Variants in ABHD18 observed in about 807,000 individuals in gnomAD.
ABHD18 encodes cardiolipin-specific deacylase, mitochondrial.
In ABHD18, 55 loss-of-function variants were observed where a neutral mutation model predicts 65.9. The observed-to-expected ratio is 0.84, with a 90% CI of 0.67 to 1.05. The LOEUF is 1.05. ABHD18 is among the 50% of genes least tolerant of loss of function. ABHD18 has a pLI of 0.00. For synonymous variants in ABHD18, 181 were observed against 180.2 expected (o/e 1.00, Z -0.04); for missense variants, 533 against 558.5 (o/e 0.95, Z 0.46).
intron 3 of ABHD18, among the ~76,000 whole-genome samples, chr4:127,987,576 G>C (rs1750186987): frequency 6.6e-6 from 1 of 151,770 alleles, no homozygotes; most frequent in Non-Finnish European, 1.5e-5. Flanking sequence ...GCCAGGCATG[G>C]TGGCACATGC....
intron 1 of ABHD18, among the ~76,000 whole-genome samples, chr4:127,969,993 C>G (rs1388247347): frequency 6.6e-6 from 1 of 151,990 alleles, no homozygotes; most frequent in African/African-American, 2.4e-5. Context: ...GAGCAGTCCT[C>G]CCGTCTTGGC....
intron 4 of ABHD18, among the ~76,000 whole-genome samples, chr4:127,996,544 G>A (rs576545135): frequency 2.0e-5 from 3 of 152,160 alleles, no homozygotes; most frequent in East Asian, 3.9e-4. Flanking sequence ...ACTGATGAGG[G>A]TCTATGTCCC....
intron 1 of ABHD18, among the ~76,000 whole-genome samples, chr4:127,972,811 G>A (rs913136145): frequency 3.9e-5 from 6 of 152,018 alleles, no homozygotes; most frequent in African/African-American, 1.4e-4. Context: ...TTGCACTAAA[G>A]TAGAAAATAT....
intron 8 of ABHD18, among the ~76,000 whole-genome samples, chr4:128,019,043 A>C (rs900879107): frequency 3.3e-5 from 5 of 151,832 alleles, no homozygotes; most frequent in African/African-American, 7.3e-5. Flanking sequence ...ATTCAAAACA[A>C]CTACCTGACA....
intron 10 of ABHD18, among the ~76,000 whole-genome samples, chr4:128,026,182 G>T (rs529852245): frequency 6.6e-6 from 1 of 152,058 alleles, no homozygotes; most frequent in East Asian, 1.9e-4. Context: ...CCAGCTACCC[G>T]GGAGGCTGAG....
rs1560956376 is a variant in ABHD18, at chr4:128,036,920, CA to C, written c.*1108del. ...GATCACAAGGTCAGGAGTTTAAGACCAGCCTGGCCAACATGGTGAAACCCCA... is the reference window on the plus strand; with the variant it reads ...GATCACAAGGTCAGGAGTTTAAGACCGCCTGGCCAACATGGTGAAACCCCA... On this transcript the variant is annotated 3_prime_UTR_variant, in exon 13 of 13. Coordinates refer to ENST00000645843, the MANE Select transcript of ABHD18 (RefSeq NM_001358451.3). 2 of 151,996 alleles carry C rather than the reference CA, an allele frequency of 1.3e-5. No individual in the cohort carries two copies. Among genetic ancestry groups the C allele is most frequent in the African/African-American group, 4.8e-5 (2 of 41,388 alleles). The allele number at this position is 151,996 out of a possible 1,614,324, so 9.4% of individuals were successfully genotyped here.
chr4:127,992,735 G>T (rs1412800883), intron 4 of ABHD18, among the ~76,000 whole-genome samples: 1 of 151,668 alleles, frequency 6.6e-6, no homozygotes, highest in Non-Finnish European at 1.5e-5. Context: ...TAGAGATGGG[G>T]GTCTCACTAC....
chr4:127,979,512 G>A (rs1199722784), intron 1 of ABHD18, among the ~76,000 whole-genome samples: 2 of 152,152 alleles, frequency 1.3e-5, no homozygotes, highest in Non-Finnish European at 2.9e-5. Flanking sequence ...CTGAGATTGC[G>A]CCACTGCACT....
At chr4:127,977,348 T>A (rs1748148748) in intron 1 of ABHD18, among the ~76,000 whole-genome samples, 1 of 152,210 alleles carries the variant, frequency 6.6e-6, no homozygotes, top group Admixed American at 6.5e-5. Flanking sequence ...GGCGCATGCC[T>A]GTAATCCCAG....
At chr4:128,028,892 G>T in intron 11 of ABHD18, 39 bp downstream of exon 11, 1 of 1,422,458 alleles carries the variant, frequency 7.0e-7, no homozygotes, top group Non-Finnish European at 9.4e-7. Flanking sequence ...ATTTGCTGAT[G>T]TGTAAGTATT....
chr4:128,002,872 G>C (rs913418331), intron 4 of ABHD18, among the ~76,000 whole-genome samples: 7 of 151,624 alleles, frequency 4.6e-5, no homozygotes, highest in Admixed American at 6.6e-5. Flanking sequence ...TCAAATTCCT[G>C]ACCTCAGGTG....
At chr4:128,011,318 T>A (rs1381005045) in intron 6 of ABHD18, among the ~76,000 whole-genome samples, 1 of 151,854 alleles carries the variant, frequency 6.6e-6, no homozygotes, top group Admixed American at 6.6e-5. Flanking sequence ...CCAGCTAATT[T>A]TTTGTATTTT....
At chr4:127,996,871 A>T (rs1290556240) in intron 4 of ABHD18, among the ~76,000 whole-genome samples, 1 of 152,204 alleles carries the variant, frequency 6.6e-6, no homozygotes, top group African/African-American at 2.4e-5. Context: ...CCGACCCTGC[A>T]GGCAGTCAGA....
intron 6 of ABHD18, 132 bp from the exon 7 acceptor site, chr4:128,011,541 C>A: frequency 3.3e-5 from 13 of 395,972 alleles, no homozygotes; most frequent in South Asian, 1.3e-4. Context: ...AACTTCTAAA[C>A]AGCCTACTTA....
At chr4:128,034,241 G>T (rs1411479358) in intron 12 of ABHD18, among the ~76,000 whole-genome samples, 1 of 152,136 alleles carries the variant, frequency 6.6e-6, no homozygotes, top group Non-Finnish European at 1.5e-5. Context: ...ACAGGCGTAA[G>T]CCACCGCGCC....
intron 7 of ABHD18, among the ~76,000 whole-genome samples, chr4:128,013,287 A>T (rs558865743): frequency 2.0e-5 from 3 of 152,296 alleles, no homozygotes; most frequent in East Asian, 3.9e-4. Flanking sequence ...TGCAGGAAAG[A>T]GTAGTGACTT....
intron 10 of ABHD18, among the ~76,000 whole-genome samples, 177 bp from the exon 11 acceptor site, chr4:128,028,298 A>G (rs960847616): frequency 2.7e-5 from 4 of 150,654 alleles, no homozygotes; most frequent in African/African-American, 1.0e-4. Flanking sequence ...ATGTTGTGGC[A>G]TGTGTCAGAA....
chr4:128,030,548 A>C lies in ABHD18; in HGVS notation c.1219A>C (p.Lys407Gln), dbSNP rs559977339. The C allele has an allele frequency of 1.2e-6, 2 of 1,600,794 alleles. No individual in the cohort carries two copies. The highest frequency in any genetic ancestry group is 1.7e-6 in the Non-Finnish European group (2 of 1,177,636). The change falls in exon 12 of 13, where the codon AAA becomes CAA. Residue 407 changes from lysine to glutamine, a missense_variant. Lys to Gln is a moderately conservative substitution (Grantham distance 53, BLOSUM62 1). This residue lies in a region of ABHD18 where 220 missense variants were observed against 226.8 expected (regional missense o/e 0.97). Transcript: ENST00000645843. ...AAGCCTCATTATAGTGGTTCAAGCC[A>C]AAGAAGATGCCTATATTCCACGAAC... Reference protein sequence around the residue: ...DPSLIIVVQAKEDAYIPRTGV... With the variant: ...DPSLIIVVQAQEDAYIPRTGV...
chr4:128,027,555 A>G (rs564379806), intron 10 of ABHD18, among the ~76,000 whole-genome samples: 2 of 152,030 alleles, frequency 1.3e-5, no homozygotes, highest in East Asian at 3.9e-4. Context: ...ACAGGCACAC[A>G]CCATCATGCC....
Sources: gnomAD v4.1 joint callset for allele counts (sites outside exome capture counted in the v4.1 genomes callset) on GRCh38, gnomAD v4.1.1 for gene constraint, gnomAD v4.1.1 regional missense constraint, MANE v1.5 for transcripts, NCBI Gene and HGNC (gene_info 2026-07-23, HGNC 2026-07-21) for gene names.